TTLL8: variants seen among roughly 807,000 people sequenced by gnomAD.
The protein encoded by TTLL8 is protein monoglycylase TTLL8.
In TTLL8, 65 loss-of-function variants were observed where a neutral mutation model predicts 77.8. The ratio of observed to expected loss-of-function variants is 0.84; its 90% CI spans 0.68 to 1.03. The LOEUF is 1.03. Among genes scored for constraint, TTLL8 ranks in the 50% least tolerant of loss-of-function variants. The pLI is 0.00. For missense variants in TTLL8, 910 were observed against 1,004.5 expected (o/e 0.91, Z 1.27); for synonymous variants, 402 against 422.8 (o/e 0.95, Z 0.60).
intron 8 of TTLL8, among the ~76,000 whole-genome samples, chr22:50,038,891 T>C (rs2061352540): frequency 6.6e-6 from 1 of 152,176 alleles, no homozygotes; most frequent in Non-Finnish European, 1.5e-5. Flanking sequence ...GTTTCATCAA[T>C]TTTTGCATCT....
chr22:50,019,830 A>C (rs978799657), intron 12 of TTLL8, among the ~76,000 whole-genome samples: 2 of 152,238 alleles, frequency 1.3e-5, no homozygotes, highest in African/African-American at 2.4e-5. Flanking sequence ...TCACCACAGA[A>C]TCCATGTACA....
At chr22:50,030,516 T>G in exon 12 of TTLL8, 2 of 1,337,146 alleles carry the variant, frequency 1.5e-6, no homozygotes. Flanking sequence ...ATTTAGCTGG[T>G]TTGGATCCCA....
chr22:50,030,308 G>T, intron 12 of TTLL8, 122 bp downstream of exon 13: 9 of 1,106,488 alleles, frequency 8.1e-6, no homozygotes, highest in Non-Finnish European at 1.0e-5. Context: ...GGGACACCCC[G>T]GGCCCCAGCA....
At chr22:50,037,229 G>A (rs1349803829) in intron 8 of TTLL8, among the ~76,000 whole-genome samples, 1 of 150,464 alleles carries the variant, frequency 6.6e-6, no homozygotes, top group Non-Finnish European at 1.5e-5. Flanking sequence ...TTTTGAGACA[G>A]AGTCTTGCTC....
chr22:50,045,872 C>T, exon 5 of TTLL8: 1 of 1,354,814 alleles, frequency 7.4e-7, no homozygotes, highest in Non-Finnish European at 9.8e-7. Context: ...ACTCCTGCTG[C>T]TCACTCTCGG....
chr22:50,030,883 C>T (rs1214213465), exon 12 of TTLL8: 1 of 1,325,070 alleles, frequency 7.5e-7, no homozygotes, highest in Non-Finnish European at 9.9e-7. Context: ...ACGCCCGCCA[C>T]GCAGAGGTCG....
chr22:50,047,736 G>A (rs889293855), intron 3 of TTLL8, among the ~76,000 whole-genome samples: 2 of 152,216 alleles, frequency 1.3e-5, no homozygotes, highest in African/African-American at 4.8e-5. Context: ...TGATAGAGGG[G>A]TTGGTCGTGG....
At chr22:50,040,504 C>T (rs1307323838) in intron 8 of TTLL8, among the ~76,000 whole-genome samples, 1 of 152,252 alleles carries the variant, frequency 6.6e-6, no homozygotes, top group Non-Finnish European at 1.5e-5. Context: ...TGGGTTGTGA[C>T]CCCTGTGGGG....
chr22:50,033,129 T>G, intron 10 of TTLL8, 73 bp downstream of exon 11: 1 of 1,267,348 alleles, frequency 7.9e-7, no homozygotes, highest in Non-Finnish European at 1.0e-6. Context: ...TGCTTCTCAC[T>G]GCGGCTGCTC....
At position 50,034,198 on chromosome 22, in the gene TTLL8, G is replaced by T; in HGVS notation, c.1039+147C>A. On this transcript the variant is annotated intron_variant, in intron 9 of 13. Coordinates refer to ENST00000266182, the Ensembl canonical transcript of TTLL8. The surrounding 1 kb of genome is among the most constrained non-coding windows in gnomAD (Gnocchi z 4.1). Reference sequence around the variant, plus strand: ...CCTCCAGCTCTGCTCCAGCGCCTGAGTCCTGACCCCCACGCCTGCCTCGGC... The same window carrying T: ...CCTCCAGCTCTGCTCCAGCGCCTGATTCCTGACCCCCACGCCTGCCTCGGC... 1 of 1,057,840 alleles carries T rather than the reference G, an allele frequency of 9.5e-7. No homozygotes were observed. The highest frequency in any genetic ancestry group is 1.2e-6 in the Non-Finnish European group (1 of 819,986). 65.5% of individuals were successfully genotyped at this position (1,057,840 alleles called of 1,614,324 possible). A position where few individuals can be genotyped will look rare whatever the true frequency, so the allele number is the denominator to read the frequency against.
At chr22:50,023,684 A>AAAATAAATAAATAAAT (rs56403599) in intron 12 of TTLL8, among the ~76,000 whole-genome samples, 56 of 149,524 alleles carry the variant, frequency 3.7e-4, no homozygotes, top group African/African-American at 1.3e-3. Context: ...ACTCCGTCTC[A>AAAATAAATAAATAAAT]AAATAAATAA....
At chr22:50,030,227 C>T (rs2061276731) in intron 12 of TTLL8, 2 of 985,306 alleles carry the variant, frequency 2.0e-6, no homozygotes, top group Admixed American at 6.1e-5. Context: ...CCCCCCACCC[C>T]GAGACCCCCG....
At chr22:50,033,674 C>A (rs1283132391) in intron 9 of TTLL8, among the ~76,000 whole-genome samples, 1 of 152,216 alleles carries the variant, frequency 6.6e-6, no homozygotes, top group Non-Finnish European at 1.5e-5. Flanking sequence ...CCCAACAGAA[C>A]CAGCCTCTGA....
At chr22:50,048,978 G>C (rs1251773624) in intron 3 of TTLL8, among the ~76,000 whole-genome samples, 1 of 152,232 alleles carries the variant, frequency 6.6e-6, no homozygotes, top group Non-Finnish European at 1.5e-5. Context: ...TTCCACATGC[G>C]CACAGCAGGC....
At chr22:50,025,471 C>T (rs2061225810) in intron 12 of TTLL8, among the ~76,000 whole-genome samples, 1 of 152,026 alleles carries the variant, frequency 6.6e-6, no homozygotes, top group Non-Finnish European at 1.5e-5. Flanking sequence ...GAAACCCCGT[C>T]TCTACTAAAA....
upstream of TTLL8, chr22:50,056,689 C>A (rs113045792): frequency 3.2e-6 from 3 of 944,302 alleles, no homozygotes; most frequent in Non-Finnish European, 3.8e-6. The surrounding 1 kb of genome is among the most constrained non-coding windows in gnomAD (Gnocchi z 4.1). Context: ...CCAGCGCCCC[C>A]CAACACCCCT....
At chr22:50,027,259 C>T (rs1214739215) in intron 12 of TTLL8, among the ~76,000 whole-genome samples, 6 of 129,760 alleles carry the variant, frequency 4.6e-5, no homozygotes, top group African/African-American at 3.0e-5. Flanking sequence ...ATCTGCTGGG[C>T]GTGGTGGCTC....
At chr22:50,029,891 C>T (rs1230255154) in intron 12 of TTLL8, among the ~76,000 whole-genome samples, 2 of 152,062 alleles carry the variant, frequency 1.3e-5, no homozygotes, top group South Asian at 2.1e-4. Flanking sequence ...CGTCCTTCTC[C>T]GCGACTCTGA....
intron 1 of TTLL8, among the ~76,000 whole-genome samples, chr22:50,051,425 C>T (rs554632551): frequency 6.6e-6 from 1 of 152,330 alleles, no homozygotes; most frequent in East Asian, 1.9e-4. Context: ...GTTTCTTTAT[C>T]CGCTCGTTGG....
Sources: gnomAD v4.1 joint callset for allele counts (sites outside exome capture counted in the v4.1 genomes callset) on GRCh38, gnomAD v4.1.1 for gene constraint, Gnocchi (gnomAD v3.1) non-coding constraint, MANE v1.5 for transcripts, NCBI Gene and HGNC (gene_info 2026-07-23, HGNC 2026-07-21) for gene names.